The following OLFML2A variants were observed in gnomAD, a reference collection of about 807,000 sequenced individuals.
OLFML2A encodes the protein olfactomedin-like protein 2A.
A neutral mutation model predicts 60.9 loss-of-function variants in OLFML2A; 47 were observed. The ratio of observed to expected loss-of-function variants is 0.77; its 90% CI spans 0.61 to 0.98. The LOEUF (loss-of-function observed/expected upper bound fraction) is 0.98, where lower values mean the gene tolerates loss of function less well. Ranked by LOEUF, OLFML2A falls within the 50% of genes least tolerant of loss-of-function variation. The pLI is 0.00. For missense variants in OLFML2A, 922 were observed against 879.8 expected (o/e 1.05, Z -0.61); for synonymous variants, 372 against 375.0 (o/e 0.99, Z 0.09).
chr9:124,777,423 C>G lies in OLFML2A; in HGVS notation c.90+63C>G. 1 of 1,220,002 alleles carries G rather than the reference C, an allele frequency of 8.2e-7. No individual in the cohort carries two copies. 75.6% of individuals were successfully genotyped at this position (1,220,002 alleles called of 1,614,324 possible). ...AGCGGGGCGCGAGGGGGCGCTGTGG[C>G]TGGGGTGCGGCCCGGGAGGGAGCCC... On this transcript the variant is annotated intron_variant, in intron 1 of 7. Transcript: ENST00000373580. This position sits in a 1 kb window ranked among gnomAD's most constrained non-coding sequence, Gnocchi z 6.2.
rs200017688 is a variant in OLFML2A, at chr9:124,804,239, C to A, written c.1065C>A (p.Pro355=). 1.2e-6 allele frequency: 2 copies of A among 1,613,436 alleles called. No individual in the cohort carries two copies. Among genetic ancestry groups the A allele is most frequent in the Non-Finnish European group, 1.7e-6 (2 of 1,179,816 alleles). Residue 355 remains proline, a synonymous_variant, in exon 6 of 8, where the codon CCC becomes CCA. Coordinates refer to ENST00000373580, the MANE Select transcript of OLFML2A (RefSeq NM_182487.4). ...SERVDLASGT[P]TSIPATTTTA... is the part of the protein sequence containing the mutation. ...GAGTGGACCTGGCTTCTGGCACCCC[C>A]ACTTCAATCCCTGCCACCACCACCA...
At chr9:124,786,771 C>CAA (rs1841480976) in intron 1 of OLFML2A, among the ~76,000 whole-genome samples, 1 of 151,214 alleles carries the variant, frequency 6.6e-6, no homozygotes, top group African/African-American at 2.4e-5. Context: ...CACACACACA[C>CAA]ACACACACAC....
At position 124,777,242 on chromosome 9, in the gene OLFML2A, C is replaced by A; in HGVS notation, c.-29C>A. 1 of 939,308 alleles carries A rather than the reference C, an allele frequency of 1.1e-6. No homozygotes were observed. The highest frequency in any genetic ancestry group is 1.4e-6 in the Non-Finnish European group (1 of 724,792). 58.2% of individuals were successfully genotyped at this position (939,308 alleles called of 1,614,324 possible). On this transcript the variant is annotated 5_prime_UTR_variant, in exon 1 of 8. Transcript: ENST00000373580. The surrounding 1 kb of genome is among the most constrained non-coding windows in gnomAD (Gnocchi z 6.2). ...CGCGCTTCCCAGCGTCCGTGCCCGG[C>A]CGCCTGTGCCTACCGTGCCCGTGGC... is the stretch of plus-strand genomic sequence containing the variant.
At chr9:124,808,393 G>A (rs1001207883) in intron 7 of OLFML2A, among the ~76,000 whole-genome samples, 4 of 152,172 alleles carry the variant, frequency 2.6e-5, no homozygotes, top group Non-Finnish European at 4.4e-5. Context: ...AGGTCTTAGC[G>A]GAGCTGCAGG....
chr9:124,788,561 G>A (rs1462861633), intron 2 of OLFML2A, among the ~76,000 whole-genome samples: 1 of 152,150 alleles, frequency 6.6e-6, no homozygotes, highest in South Asian at 2.1e-4. Flanking sequence ...AGCCAAGATC[G>A]TGCCATTGCA....
At position 124,810,179 on chromosome 9, in the gene OLFML2A, G is replaced by A. The variant is rs770069153; in HGVS notation, c.1726G>A (p.Gly576Arg). The stretch of plus-strand genomic sequence containing the variant: ...GACACGGCTGCGGCGGAACTCCTAC[G>A]GGAACTGCTTCCTGGTGTGCGGCAT... ...WKTRLRRNSY[G>R]NCFLVCGILY... The change falls in exon 8 of 8, where the codon GGG (glycine) becomes AGG (arginine). Residue 576 changes from glycine (G) to arginine (R), a missense_variant. Gly to Arg is a moderately radical substitution (Grantham distance 125). Transcript: ENST00000373580. The A allele has an allele frequency of 2.5e-5, 41 of 1,613,798 alleles. No individual in the cohort carries two copies. The East Asian group carries it at 6.7e-4, about 26-fold the overall frequency.
intron 1 of OLFML2A, among the ~76,000 whole-genome samples, chr9:124,781,622 C>T (rs988271753): frequency 2.0e-5 from 3 of 152,028 alleles, no homozygotes; most frequent in Non-Finnish European, 4.4e-5. Context: ...AGTGAAATGC[C>T]ATCTCTACTA....
At chr9:124,798,628 G>C (rs927678221) in intron 3 of OLFML2A, among the ~76,000 whole-genome samples, 10 of 151,234 alleles carry the variant, frequency 6.6e-5, no homozygotes, top group African/African-American at 2.4e-4. Flanking sequence ...GAGGCCAGGA[G>C]TTCCAGACCA....
intron 2 of OLFML2A, among the ~76,000 whole-genome samples, chr9:124,792,056 G>T (rs1366918986): frequency 1.3e-5 from 2 of 152,170 alleles, no homozygotes; most frequent in Non-Finnish European, 2.9e-5. Context: ...TGCCTAATTA[G>T]TGCTCCTCCT....
rs73669209 is a variant in OLFML2A, at chr9:124,810,421, C to A, written c.*9C>A. The A allele has an allele frequency of 0.012, 19,672 of 1,585,716 alleles. 2,192 individuals are homozygous for A. In the African/African-American group the frequency reaches 0.23, roughly 19 times the overall value. On this transcript the variant is annotated 3_prime_UTR_variant, in exon 8 of 8. Coordinates refer to ENST00000373580, the MANE Select transcript of OLFML2A (RefSeq NM_182487.4). ...TCCACTTCGTGGTCTGAGTGGAGAC[C>A]TGTGCTCCCCGGAGAGGGGCAGCAG... is the stretch of plus-strand genomic sequence containing the variant.
At chr9:124,790,453 G>A (rs1841550225) in intron 2 of OLFML2A, among the ~76,000 whole-genome samples, 1 of 152,162 alleles carries the variant, frequency 6.6e-6, no homozygotes. Context: ...GGGATTACAG[G>A]CATGAGCCAA....
At chr9:124,792,096 C>T (rs1024459646) in intron 2 of OLFML2A, among the ~76,000 whole-genome samples, 8 of 152,208 alleles carry the variant, frequency 5.3e-5, no homozygotes, top group African/African-American at 1.9e-4. Context: ...AAACTTCCTC[C>T]TGGCAGCCTT....
intron 3 of OLFML2A, among the ~76,000 whole-genome samples, chr9:124,797,032 C>G: frequency 6.6e-6 from 1 of 152,134 alleles, no homozygotes; most frequent in Non-Finnish European, 1.5e-5. Context: ...GAGACAGGGT[C>G]TCACTCTGTA....
At chr9:124,782,233 A>T (rs1841374862) in intron 1 of OLFML2A, among the ~76,000 whole-genome samples, 1 of 152,198 alleles carries the variant, frequency 6.6e-6, no homozygotes, top group Non-Finnish European at 1.5e-5. Flanking sequence ...GCAACATGTA[A>T]ACCAAGTTTT....
At chr9:124,803,208 C>T (rs1361933790) in intron 5 of OLFML2A, among the ~76,000 whole-genome samples, 2 of 152,088 alleles carry the variant, frequency 1.3e-5, no homozygotes, top group Non-Finnish European at 2.9e-5. Context: ...CGCGCCCGGC[C>T]GGTGTCACAA....
chr9:124,805,738 A>G (rs1176184984), intron 6 of OLFML2A, among the ~76,000 whole-genome samples: 1 of 150,766 alleles, frequency 6.6e-6, no homozygotes, highest in Non-Finnish European at 1.5e-5. Context: ...GTAACCAAAA[A>G]CCACCTGTTC....
chr9:124,782,442 G>A (rs76202033), intron 1 of OLFML2A, among the ~76,000 whole-genome samples: 2,819 of 152,298 alleles, frequency 0.019, 59 homozygotes, highest in East Asian at 0.092. Flanking sequence ...GTGCCATGCC[G>A]AGGCCCTGCA....
rs1407285279 is a variant in OLFML2A at position 124,814,166 on chromosome 9, A to T, written c.*3754A>T. The T allele has an allele frequency of 6.6e-6, 1 of 151,978 alleles. No individual in the cohort carries two copies. The highest frequency in any genetic ancestry group is 6.6e-5 in the Admixed American group (1 of 15,252). 9.4% of individuals were successfully genotyped at this position (151,978 alleles called of 1,614,324 possible). A position where few individuals can be genotyped will look rare whatever the true frequency, so the allele number is the denominator to read the frequency against. ...GCAGTGCTAAAGGTGGAGCTGGGGG[A>T]TTTTCCTGGGAATGATTTGAGGGCT... On this transcript the variant is annotated 3_prime_UTR_variant, in exon 8 of 8. Coordinates refer to ENST00000373580, the MANE Select transcript of OLFML2A (RefSeq NM_182487.4).
At chr9:124,785,873 A>C (rs1417857323) in intron 1 of OLFML2A, among the ~76,000 whole-genome samples, 1 of 152,142 alleles carries the variant, frequency 6.6e-6, no homozygotes, top group Non-Finnish European at 1.5e-5. Context: ...CAGAACTTTG[A>C]GAGGCCAAGG....
Sources: allele counts gnomAD v4.1 joint callset (sites outside exome capture counted in the v4.1 genomes callset), GRCh38; gene constraint gnomAD v4.1.1; non-coding constraint Gnocchi (gnomAD v3.1); transcripts MANE v1.5; gene names NCBI Gene and HGNC (gene_info 2026-07-23, HGNC 2026-07-21).